Variants in SERPINE2 observed in about 807,000 individuals in gnomAD.
SERPINE2 encodes the protein serpin family E member 2.
Under a neutral mutation model 36.3 loss-of-function variants are expected in SERPINE2, and 14 were observed. That is an observed-to-expected ratio of 0.39 (90% CI 0.25 to 0.60). The LOEUF (loss-of-function observed/expected upper bound fraction) is 0.60. Ranked by LOEUF, SERPINE2 falls within the 20% of genes least tolerant of loss-of-function variation. The pLI, the probability that SERPINE2 is intolerant of heterozygous loss-of-function variation, is 0.57. For missense variants in SERPINE2, 418 were observed against 499.6 expected, an observed-to-expected ratio of 0.84 and a Z score of 1.56; for synonymous variants, 192 against 191.8, an observed-to-expected ratio of 1.00 and a Z score of -0.01.
chr2:223,977,681 A>T, intron 7 of SERPINE2, 54 bp from the exon 8 acceptor site: 1 of 1,220,972 alleles, frequency 8.2e-7, no homozygotes, highest in Non-Finnish European at 1.2e-6. Flanking sequence ...CCATGTAAGC[A>T]TAAGGCCAGC....
At position 223,998,228 on chromosome 2, in the gene SERPINE2, G is replaced by C. The variant is rs760330307; in HGVS notation, c.374C>G (p.Pro125Arg). The change falls in exon 3 of 9, where the codon CCT becomes CGT. Residue 125 changes from proline (P) to arginine (R), a missense_variant. Coordinates refer to ENST00000409304, the MANE Select transcript of SERPINE2 (RefSeq NM_001136528.2). ...CACATCTTTGTTCCTTGTAACAAAA[G>C]GCACTTCAATTTCAGAGGCATTCTT... ...FVKNASEIEV[P>R]FVTRNKDVFQ... 1.9e-6 allele frequency: 3 copies of C among 1,614,166 alleles called. No homozygotes were observed. The South Asian group carries it at 3.3e-5, about 18-fold the overall frequency.
chr2:224,032,689 A>G (rs1055171263), intron 1 of SERPINE2, among the ~76,000 whole-genome samples: 7 of 150,466 alleles, frequency 4.7e-5, no homozygotes, highest in East Asian at 2.0e-4. Flanking sequence ...GATCTTCTGA[A>G]GCAAAGGATA....
intron 3 of SERPINE2, among the ~76,000 whole-genome samples, chr2:223,995,322 C>T (rs973509174): frequency 3.3e-5 from 5 of 152,232 alleles, no homozygotes; most frequent in Admixed American, 2.6e-4. Flanking sequence ...CTCCAAGTCA[C>T]TTCTGAGCTC....
At chr2:223,990,301 A>T (rs190288542) in intron 4 of SERPINE2, among the ~76,000 whole-genome samples, 1 of 152,196 alleles carries the variant, frequency 6.6e-6, no homozygotes, top group Admixed American at 6.5e-5. Context: ...ATCTTTGACA[A>T]TAAGAATGTA....
At chr2:224,027,758 C>A (rs1382536364) in intron 1 of SERPINE2, among the ~76,000 whole-genome samples, 1 of 152,152 alleles carries the variant, frequency 6.6e-6, no homozygotes, top group African/African-American at 2.4e-5. Context: ...TGTGCCCTTT[C>A]TACCTAAATA....
intron 1 of SERPINE2, among the ~76,000 whole-genome samples, chr2:224,014,608 C>T (rs544086343): frequency 6.6e-6 from 1 of 152,136 alleles, no homozygotes; most frequent in Admixed American, 6.6e-5. Context: ...CTCGGCACTA[C>T]TGACATAACT....
Position 224,001,856 on chromosome 2 carries a change from C to T in SERPINE2, c.45G>A (p.Leu15=). ...GATTGAAGTGGGAGCAGATGGAAGGCAGCGTCACAGAGGCCAAGAGGAAGA... is the reference window on the plus strand; with the variant it reads ...GATTGAAGTGGGAGCAGATGGAAGGTAGCGTCACAGAGGCCAAGAGGAAGA... ...LPLFLLASVT[L]PSICSHFNPL... The change falls in exon 2 of 9, where the codon CTG becomes CTA. Residue 15 remains leucine (L), a synonymous_variant. Coordinates refer to ENST00000409304, the MANE Select transcript of SERPINE2 (RefSeq NM_001136528.2). The T allele has an allele frequency of 6.2e-7, 1 of 1,614,088 alleles. No individual in the cohort carries two copies. Among genetic ancestry groups the T allele is most frequent in the Non-Finnish European group, 8.5e-7 (1 of 1,180,000 alleles).
intron 1 of SERPINE2, among the ~76,000 whole-genome samples, chr2:224,002,411 A>G (rs1691216450): frequency 6.6e-6 from 1 of 152,196 alleles, no homozygotes; most frequent in Non-Finnish European, 1.5e-5. Flanking sequence ...GGGGAGGGAA[A>G]GGAAGCAAAC....
At chr2:223,984,605 G>A (rs778575311) in intron 5 of SERPINE2, 147 bp downstream of exon 5, 6 of 715,142 alleles carry the variant, frequency 8.4e-6, no homozygotes, top group South Asian at 1.9e-5. Context: ...AGAAAAGCAC[G>A]GCCTCGTAAT....
chr2:223,991,602 A>C (rs1197319758), intron 4 of SERPINE2, among the ~76,000 whole-genome samples: 2 of 152,262 alleles, frequency 1.3e-5, no homozygotes, highest in African/African-American at 4.8e-5. Flanking sequence ...TATTATGCAT[A>C]TTATGCTATG....
chr2:224,037,837 C>T (rs1692581825), intron 1 of SERPINE2, among the ~76,000 whole-genome samples: 1 of 152,176 alleles, frequency 6.6e-6, no homozygotes. Flanking sequence ...AATACGATGA[C>T]ATTTTCATGA....
chr2:224,016,493 C>T (rs1030792691), intron 1 of SERPINE2, among the ~76,000 whole-genome samples: 4 of 123,904 alleles, frequency 3.2e-5, no homozygotes, highest in African/African-American at 9.2e-5. Flanking sequence ...GCGACAAGAG[C>T]GAAAGTCCGT....
intron 7 of SERPINE2, 116 bp from the exon 8 acceptor site, chr2:223,977,743 C>T: frequency 1.4e-6 from 1 of 709,938 alleles, no homozygotes; most frequent in Non-Finnish European, 2.6e-6. Flanking sequence ...AGACACACTT[C>T]ATGCTTGTTC....
intron 3 of SERPINE2, among the ~76,000 whole-genome samples, chr2:223,995,641 T>A (rs186422352): frequency 4.6e-5 from 7 of 152,358 alleles, no homozygotes; most frequent in Admixed American, 2.0e-4. Flanking sequence ...TGTTTTTGCA[T>A]CCTTTTCATG....
intron 1 of SERPINE2, among the ~76,000 whole-genome samples, chr2:224,005,098 A>ATATATATATATAT (rs1559209284): frequency 1.5e-4 from 17 of 115,724 alleles, no homozygotes; most frequent in East Asian, 4.8e-4. Context: ...TATATATATA[A>ATATATATATATAT]AACATTGTAA....
At chr2:223,988,986 G>C (rs1690541982) in intron 4 of SERPINE2, among the ~76,000 whole-genome samples, 1 of 152,128 alleles carries the variant, frequency 6.6e-6, no homozygotes, top group African/African-American at 2.4e-5. Flanking sequence ...CATATACCTA[G>C]AAAGGTTCTC....
chr2:224,035,506 C>T (rs1231188449), intron 1 of SERPINE2, among the ~76,000 whole-genome samples: 1 of 152,120 alleles, frequency 6.6e-6, no homozygotes, highest in Non-Finnish European at 1.5e-5. Context: ...CCTCAGCCTC[C>T]CGAGTAGCTG....
intron 2 of SERPINE2, among the ~76,000 whole-genome samples, chr2:223,999,460 C>T (rs1691020702): frequency 6.6e-6 from 1 of 152,146 alleles, no homozygotes; most frequent in African/African-American, 2.4e-5. Context: ...AATGTGCGTC[C>T]TCTTCAGGCC....
chr2:224,010,453 A>G, intron 1 of SERPINE2: 1 of 770,568 alleles, frequency 1.3e-6, no homozygotes, highest in Non-Finnish European at 1.6e-6. Context: ...TTATCCATAT[A>G]TTATCCATTC....
Sources: allele counts gnomAD v4.1 joint callset (sites outside exome capture counted in the v4.1 genomes callset), GRCh38; gene constraint gnomAD v4.1.1; transcripts MANE v1.5; gene names NCBI Gene and HGNC (gene_info 2026-07-23, HGNC 2026-07-21).